Variants in HFM1 observed in about 807,000 individuals in gnomAD.
The protein encoded by HFM1 is helicase for meiosis 1, also known as probable ATP-dependent DNA helicase HFM1.
A neutral mutation model predicts 192.1 loss-of-function variants in HFM1; 169 were observed. The observed-to-expected ratio is 0.88, with a 90% CI of 0.78 to 1.00. The LOEUF is 1.00. Ranked by LOEUF, HFM1 falls within the 50% of genes least tolerant of loss-of-function variation. The pLI is 0.00. For synonymous variants in HFM1, 525 were observed against 537.8 expected, an observed-to-expected ratio of 0.98 and a Z score of 0.33; for missense variants, 1,661 against 1,668.0, an observed-to-expected ratio of 1.00 and a Z score of 0.07.
chr1:91,282,136 C>T (rs1303593454), intron 30 of HFM1, among the ~76,000 whole-genome samples: 1 of 152,068 alleles, frequency 6.6e-6, no homozygotes, highest in Non-Finnish European at 1.5e-5. Context: ...CAAATTATTT[C>T]TTCTGATTTG....
At chr1:91,313,590 A>G in intron 29 of HFM1, 95 bp from the exon 30 acceptor site, 1 of 837,876 alleles carries the variant, frequency 1.2e-6, no homozygotes, top group Non-Finnish European at 1.7e-6. Flanking sequence ...ACATTTTTAT[A>G]ACTTCTAGAG....
At chr1:91,366,715 T>A (rs1257190761) in intron 13 of HFM1, among the ~76,000 whole-genome samples, 3 of 152,184 alleles carry the variant, frequency 2.0e-5, no homozygotes, top group Non-Finnish European at 2.9e-5. Context: ...GACAGGTGAT[T>A]TCTGCATTTC....
intron 20 of HFM1, among the ~76,000 whole-genome samples, chr1:91,326,773 A>AATG (rs3036428): frequency 1 from 152,136 of 152,320 alleles, 75,976 homozygotes; most frequent in Non-Finnish European, 1. Flanking sequence ...AAATAGACTA[A>AATG]ATGAAGCAAT....
In HFM1 at chr1:91,379,102, T is replaced by C. The variant is rs770570794; in HGVS notation, c.1119A>G (p.Leu373=). The C allele has an allele frequency of 3.1e-6, 5 of 1,599,020 alleles. No individual in the cohort carries two copies. Among genetic ancestry groups the C allele is most frequent in the Non-Finnish European group, 3.4e-6 (4 of 1,171,698 alleles). The change falls in exon 9 of 39, where the codon CTA becomes CTG. Residue 373 remains leucine (L), a synonymous_variant. Transcript: ENST00000370425. Reference sequence around the variant, plus strand: ...TAATATGGGCATGCTGAATCTCAAATAGATCATCCATTACTGTATCTCCAG... The same window carrying C: ...TAATATGGGCATGCTGAATCTCAAACAGATCATCCATTACTGTATCTCCAG... The part of the protein sequence containing the change: ...ELTGDTVMDD[L]FEIQHAHIIM...
Position 91,286,818 on chromosome 1 carries a change from C to T in HFM1, c.3392-9756G>A, listed in dbSNP as rs541871590. ...TGGGTGCAGTGCACCGTGCGCCAGC[C>T]GAAGCAAGGCGAGGCGTTGCCTCAC... On this transcript the variant is annotated intron_variant, in intron 30 of 38. Transcript: ENST00000370425. Among the ~76,000 whole-genome samples, 25 of 152,278 alleles carry T rather than the reference C, an allele frequency of 1.6e-4. 1 individual carries two copies. The South Asian group carries it at 3.7e-3, about 23-fold the overall frequency.
intron 20 of HFM1, chr1:91,338,887 C>T (rs941125123): frequency 8.8e-6 from 4 of 455,502 alleles, no homozygotes; most frequent in Admixed American, 2.4e-5. Flanking sequence ...TCTGCCACTG[C>T]CCCATTTAAG....
At chr1:91,317,405 C>T (rs1651421830) in intron 25 of HFM1, among the ~76,000 whole-genome samples, 1 of 152,130 alleles carries the variant, frequency 6.6e-6, no homozygotes, top group African/African-American at 2.4e-5. Flanking sequence ...CAAAGCAAAA[C>T]TCCATCTCAA....
intron 13 of HFM1, among the ~76,000 whole-genome samples, chr1:91,365,349 G>T (rs1007154269): frequency 6.6e-6 from 1 of 151,888 alleles, no homozygotes; most frequent in Admixed American, 6.6e-5. Flanking sequence ...TGTTAAGTAA[G>T]TAGATTTAGC....
chr1:91,265,562 A>T (rs866752484), intron 36 of HFM1, among the ~76,000 whole-genome samples: 4 of 152,216 alleles, frequency 2.6e-5, no homozygotes, highest in African/African-American at 9.6e-5. Flanking sequence ...CAAAGCCCTT[A>T]CAATAAGACT....
At chr1:91,274,622 T>C (rs1666628527) in intron 33 of HFM1, 108 bp downstream of exon 33, 3 of 542,764 alleles carry the variant, frequency 5.5e-6, no homozygotes, top group Non-Finnish European at 1.0e-5. Context: ...AAACGATAAC[T>C]GTGACTTGAT....
At chr1:91,364,621 T>TAC (rs1460422775) in intron 13 of HFM1, among the ~76,000 whole-genome samples, 3 of 34,460 alleles carry the variant, frequency 8.7e-5, no homozygotes, top group Non-Finnish European at 1.3e-4. Flanking sequence ...TATATATATA[T>TAC]ATATATATAT....
intron 2 of HFM1, among the ~76,000 whole-genome samples, chr1:91,397,438 G>A (rs1663797873): frequency 6.6e-6 from 1 of 152,148 alleles, no homozygotes; most frequent in Admixed American, 6.5e-5. Flanking sequence ...ATAAAGTTGA[G>A]AAGAGCATCA....
At chr1:91,405,051 C>T (rs112772772), upstream of HFM1, among the ~76,000 whole-genome samples, 27 of 152,270 alleles carry the variant, frequency 1.8e-4, no homozygotes, top group Non-Finnish European at 2.6e-4. Context: ...TTTCCCTAAG[C>T]TAACCTGCTT....
At position 91,375,841 on chromosome 1, in the gene HFM1, T is replaced by C. The variant is rs1175803721; in HGVS notation, c.1396-114A>G. The stretch of plus-strand genomic sequence containing the variant: ...CAAGCTATAAAAGTATTTAATCAAG[T>C]ATGCTGTCTTTTTCAATATTACATA... On this transcript the variant is annotated intron_variant, in intron 11 of 38. Transcript: ENST00000370425. 4.0e-6 allele frequency: 3 copies of C among 750,424 alleles called. No individual in the cohort carries two copies. The African/African-American group carries it at 5.3e-5, about 13-fold the overall frequency. 46.5% of individuals were successfully genotyped at this position (750,424 alleles called of 1,614,324 possible).
chr1:91,389,825 A>C (rs1266233490), intron 4 of HFM1, among the ~76,000 whole-genome samples: 4 of 152,216 alleles, frequency 2.6e-5, no homozygotes, highest in African/African-American at 9.6e-5. Flanking sequence ...AATAACAAGT[A>C]CTGGACAGAA....
intron 36 of HFM1, 135 bp downstream of exon 36, chr1:91,265,882 T>A (rs1397546413): frequency 1.4e-5 from 17 of 1,202,720 alleles, no homozygotes; most frequent in African/African-American, 1.6e-5. Flanking sequence ...GAAATACACC[T>A]CTAAGATTAA....
chr1:91,294,774 T>C (rs1399199006), intron 30 of HFM1, among the ~76,000 whole-genome samples: 4 of 152,220 alleles, frequency 2.6e-5, no homozygotes, highest in Admixed American at 2.6e-4. Context: ...CTGGTTTCCA[T>C]TTTAGGGCTA....
chr1:91,354,286 G>GA (rs921322467), intron 13 of HFM1, among the ~76,000 whole-genome samples: 2 of 150,896 alleles, frequency 1.3e-5, no homozygotes, highest in African/African-American at 2.4e-5. Flanking sequence ...TAGTCAGAGG[G>GA]AAAAAAAAGA....
intron 9 of HFM1, 21 bp from the exon 10 acceptor site, chr1:91,378,501 A>G (rs1378357364): frequency 7.1e-7 from 1 of 1,417,526 alleles, no homozygotes; most frequent in Admixed American, 1.7e-5. Context: ...AAAAAAGCAT[A>G]CAAGTAGTTT....
Sources: gnomAD v4.1 joint callset for allele counts (sites outside exome capture counted in the v4.1 genomes callset) on GRCh38, gnomAD v4.1.1 for gene constraint, MANE v1.5 for transcripts, NCBI Gene and HGNC (gene_info 2026-07-23, HGNC 2026-07-21) for gene names.